The following FGF13 variants were observed in gnomAD, a reference collection of about 807,000 sequenced individuals.
FGF13 encodes the protein fibroblast growth factor 13.
FGF13 carries 2 observed loss-of-function variants against 19.5 expected under a neutral mutation model. That is an observed-to-expected ratio of 0.10 (90% CI 0.04 to 0.32). FGF13 has a LOEUF of 0.32. Among genes scored for constraint, FGF13 ranks in the 10% least tolerant of loss-of-function variants. FGF13 has a pLI of 1.00. For missense variants in FGF13, 113 were observed against 192.7 expected (o/e 0.59, Z 2.45); for synonymous variants, 72 against 76.9 (o/e 0.94, Z 0.33).
At chrX:138,782,142 A>G (rs1239624071) in intron 3 of FGF13, among the ~76,000 whole-genome samples, 1 of 112,256 alleles carries the variant, frequency 8.9e-6, no homozygotes, top group African/African-American at 3.2e-5. Flanking sequence ...TAAATTAGGT[A>G]TTGATGGGAC....
At chrX:138,652,039 T>C (rs1029612716) in intron 3 of FGF13, among the ~76,000 whole-genome samples, 1 of 112,183 alleles carries the variant, frequency 8.9e-6, no homozygotes, top group African/African-American at 3.2e-5. Context: ...ACTTGGCCTA[T>C]GAGATCATCT....
At chrX:139,120,122 T>C (rs1413277042) in intron 1 of FGF13, among the ~76,000 whole-genome samples, 6 of 112,627 alleles carry the variant, frequency 5.3e-5, no homozygotes, top group Non-Finnish European at 1.1e-4. Flanking sequence ...ATGTAAGACA[T>C]GCCTTGCTTC....
intron 3 of FGF13, among the ~76,000 whole-genome samples, chrX:138,838,194 G>A (rs1232340641): frequency 8.9e-6 from 1 of 111,989 alleles, no homozygotes; most frequent in South Asian, 3.7e-4. Context: ...TATCCTGTGA[G>A]GCACAGTGGA....
At chrX:138,775,735 T>A (rs2090582886) in intron 3 of FGF13, among the ~76,000 whole-genome samples, 1 of 112,775 alleles carries the variant, frequency 8.9e-6, no homozygotes, top group African/African-American at 3.2e-5. Flanking sequence ...CCCATCGTGA[T>A]AGAAGATCCT....
rs774172656 is a variant in FGF13 at position 138,845,237 on chromosome X, T to C, written c.217+12275A>G. 4.5e-5 allele frequency among the ~76,000 whole-genome samples: 5 copies of C among 111,813 alleles called. No homozygotes were observed. In the South Asian group the frequency reaches 1.1e-3, roughly 25 times the overall value. ...TTCTAAGTCTGCTTTCCTGCTAGTC[T>C]TTAATTCCTCCTTGAGGGCAGAGAT... On this transcript the variant is annotated intron_variant, in intron 3 of 6. Coordinates refer to the FGF13 transcript ENST00000436198.
intron 3 of FGF13, chrX:138,667,638 T>G (rs1349854371): frequency 1.8e-5 from 6 of 340,539 alleles, no homozygotes; most frequent in Admixed American, 1.5e-4. Context: ...ATTGGGGTGG[T>G]GGGGTAAGAT....
At chrX:139,071,134 TA>T (rs1226844644) in intron 1 of FGF13, among the ~76,000 whole-genome samples, 1 of 111,445 alleles carries the variant, frequency 9.0e-6, no homozygotes, top group East Asian at 2.8e-4. Context: ...ATAATAATAA[TA>T]AAAAAGAAAA....
intron 1 of FGF13, among the ~76,000 whole-genome samples, chrX:139,004,634 G>A (rs1389139929): frequency 8.9e-6 from 1 of 112,478 alleles, no homozygotes; most frequent in Non-Finnish European, 1.9e-5. Context: ...GCGCTTTTGA[G>A]GTACTCAATT....
intron 3 of FGF13, among the ~76,000 whole-genome samples, chrX:138,789,034 T>C (rs189747912): frequency 8.9e-6 from 1 of 112,159 alleles, no homozygotes; most frequent in Admixed American, 9.4e-5. Context: ...CTAAGTTCTT[T>C]GCAACTTCAT....
At position 138,984,613 on chromosome X, in the gene FGF13, AGG is replaced by A. The variant is rs1436968452; in HGVS notation, c.-112-119965_-112-119964del. On this transcript the variant is annotated intron_variant, in intron 1 of 2. Coordinates refer to the FGF13 transcript ENST00000421460. ...AAGGAGGAGGAGGAGGAGGAGGAGGAGGATGAGGAAGAGGAGGAGGAGGAGGA... is the reference window on the plus strand; with the variant it reads ...AAGGAGGAGGAGGAGGAGGAGGAGGAATGAGGAAGAGGAGGAGGAGGAGGA... Among the ~76,000 whole-genome samples, 8 of 56,375 alleles carry A rather than the reference AGG, an allele frequency of 1.4e-4. 1 individual carries two copies. Among genetic ancestry groups the A allele is most frequent in the East Asian group, 6.5e-4 (1 of 1,547 alleles). 49.0% of individuals were successfully genotyped at this position (56,375 alleles called of 115,157 possible).
chrX:139,137,284 T>A (rs905559791), intron 1 of FGF13, among the ~76,000 whole-genome samples: 6 of 112,066 alleles, frequency 5.4e-5, no homozygotes, highest in African/African-American at 1.9e-4. Flanking sequence ...ATAAGCAGCA[T>A]ATAAGTAAAA....
In FGF13 at chrX:138,675,911, A is replaced by G. The variant is rs745903179; in HGVS notation, c.402+27073T>C. The stretch of plus-strand genomic sequence containing the variant: ...ACAGCCATTTTGAATCTTTTTGGGG[A>G]ATGTTCATCTTTGGTAGGGAAGGAG... On this transcript the variant is annotated intron_variant, in intron 3 of 4. Coordinates refer to ENST00000315930, the MANE Select transcript of FGF13 (RefSeq NM_004114.5). Among the ~76,000 whole-genome samples the G allele has an allele frequency of 3.2e-3, 357 of 111,627 alleles. 1 individual carries two copies. The highest frequency in any genetic ancestry group is 4.9e-3 in the Non-Finnish European group (261 of 53,159).
At chrX:139,197,344 A>G (rs914524819) in intron 1 of FGF13, among the ~76,000 whole-genome samples, 1 of 112,799 alleles carries the variant, frequency 8.9e-6, no homozygotes, top group Non-Finnish European at 1.9e-5. Context: ...AGATATATGT[A>G]AAAATAATGT....
intron 1 of FGF13, among the ~76,000 whole-genome samples, chrX:139,089,899 T>C (rs2083428725): frequency 9.0e-6 from 1 of 111,125 alleles, no homozygotes; most frequent in East Asian, 2.8e-4. Flanking sequence ...AATGCAATGG[T>C]GCAATCATAA....
Position 138,711,432 on chromosome X carries a change from AGGGAGTGAGCGCGGGCGGGAGAGAGGCC to A in FGF13, c.-457_-430del. 1.5e-6 allele frequency: 1 copy of A among 663,908 alleles called. No homozygotes were observed. Among genetic ancestry groups the A allele is most frequent in the Non-Finnish European group, 1.8e-6 (1 of 561,827 alleles). 54.7% of individuals were successfully genotyped at this position (663,908 alleles called of 1,213,427 possible). A position where few individuals can be genotyped will look rare whatever the true frequency, so the allele number is the denominator to read the frequency against. On this transcript the variant is annotated 5_prime_UTR_variant, in exon 1 of 5. Transcript: ENST00000315930. Reference sequence around the variant, plus strand: ...GGGGCCAGAGGAGGGAGGCGGGCGGAGGGAGTGAGCGCGGGCGGGAGAGAGGCCGGGAGCTCGGGCGGCCGGACGGAGG... The same window carrying A: ...GGGGCCAGAGGAGGGAGGCGGGCGGAGGGAGCTCGGGCGGCCGGACGGAGG...
At chrX:138,793,615 T>A (rs1199053828) in intron 3 of FGF13, among the ~76,000 whole-genome samples, 1 of 111,981 alleles carries the variant, frequency 8.9e-6, no homozygotes, top group Admixed American at 9.5e-5. Flanking sequence ...CCGTACAACA[T>A]GTATTAACCT....
In FGF13 at chrX:138,629,187, T is replaced by C. The variant is rs919559781; in HGVS notation, c.*3663A>G. The C allele has an allele frequency of 8.9e-6, 1 of 111,989 alleles. No individual in the cohort carries two copies. Among genetic ancestry groups the C allele is most frequent in the African/African-American group, 3.2e-5 (1 of 30,787 alleles). The allele number at this position is 111,989 out of a possible 1,213,427, so 9.2% of individuals were successfully genotyped here. A position where few individuals can be genotyped will look rare whatever the true frequency, so the allele number is the denominator to read the frequency against. On this transcript the variant is annotated 3_prime_UTR_variant, in exon 5 of 5. Coordinates refer to ENST00000315930, the MANE Select transcript of FGF13 (RefSeq NM_004114.5). ...GTGATTCAGGTACACATAAAAAGCT[T>C]GAGGACTACCACTCTACTGCAATGT...
In FGF13 at chrX:138,996,934, G is replaced by A. The variant is rs146354076; in HGVS notation, c.-112-132284C>T. On this transcript the variant is annotated intron_variant, in intron 1 of 2. Transcript: ENST00000421460. ...CAGAAACCTAATACAGAAGAGCTTTGGCTGGCATCTGGCGGGTGCCTCTCT... is the reference window on the plus strand; with the variant it reads ...CAGAAACCTAATACAGAAGAGCTTTAGCTGGCATCTGGCGGGTGCCTCTCT... Among the ~76,000 whole-genome samples, 846 of 111,798 alleles carry A rather than the reference G, an allele frequency of 7.6e-3. 6 individuals carry two copies. The highest frequency in any genetic ancestry group is 0.013 in the Non-Finnish European group (679 of 53,096).
At chrX:138,884,988 G>C (rs1200724888) in intron 1 of FGF13, among the ~76,000 whole-genome samples, 1 of 112,136 alleles carries the variant, frequency 8.9e-6, no homozygotes, top group African/African-American at 3.2e-5. Context: ...AGCTCCTTTA[G>C]ACTGGCAAGA....
Sources: gnomAD v4.1 joint callset for allele counts (sites outside exome capture counted in the v4.1 genomes callset) on GRCh38, gnomAD v4.1.1 for gene constraint, MANE v1.5 for transcripts, NCBI Gene and HGNC (gene_info 2026-07-23, HGNC 2026-07-21) for gene names.